SH3TC1: variants seen among roughly 807,000 people sequenced by gnomAD.
SH3TC1 encodes the protein SH3 domain and tetratricopeptide repeat-containing protein 1.
A neutral mutation model predicts 117.3 loss-of-function variants in SH3TC1; 135 were observed. The ratio of observed to expected loss-of-function variants is 1.15; its 90% CI spans 1.00 to 1.33. SH3TC1 has a LOEUF of 1.33. SH3TC1 is among the 40% of genes most tolerant of loss of function. The pLI is 0.00. For missense variants in SH3TC1, 2,092 were observed against 1,794.3 expected, an observed-to-expected ratio of 1.17 and a Z score of -3.00; for synonymous variants, 898 against 816.9, an observed-to-expected ratio of 1.10 and a Z score of -1.69.
intron 14 of SH3TC1, 42 bp from the exon 15 acceptor site, chr4:8,235,391 T>C (rs953351082): frequency 1.4e-6 from 2 of 1,426,668 alleles, no homozygotes; most frequent in Admixed American, 2.5e-5. Context: ...CGTGGCCACC[T>C]CACCAGGTGT....
intron 16 of SH3TC1, chr4:8,236,744 T>A (rs1394099542): frequency 3.1e-6 from 1 of 320,008 alleles, no homozygotes; most frequent in East Asian, 5.0e-5. Context: ...CCAGGCTGAG[T>A]GGCACATTCC....
chr4:8,233,052 A>G lies in SH3TC1; in HGVS notation c.3132-311A>G, dbSNP rs138938742. 8.0e-4 allele frequency: 988 copies of G among 1,239,686 alleles called. 8 individuals carry two copies. In the African/African-American group the frequency reaches 0.013, roughly 16 times the overall value. The allele number at this position is 1,239,686 out of a possible 1,614,324, so 76.8% of individuals were successfully genotyped here. A position where few individuals can be genotyped will look rare whatever the true frequency, so the allele number is the denominator to read the frequency against. On this transcript the variant is annotated intron_variant, in intron 13 of 17. Transcript: ENST00000245105. Reference sequence around the variant, plus strand: ...CCATCGGCCTGGATAGCATCTGAACACTGATGGCTCCTGGTGCGTCTAGAG... The same window carrying G: ...CCATCGGCCTGGATAGCATCTGAACGCTGATGGCTCCTGGTGCGTCTAGAG...
intron 9 of SH3TC1, among the ~76,000 whole-genome samples, chr4:8,222,290 C>T (rs1339059661): frequency 6.7e-6 from 1 of 149,754 alleles, no homozygotes; most frequent in African/African-American, 2.5e-5. Context: ...TTGTTTGCAT[C>T]TGTTTCAGCC....
rs553448871 is a variant in SH3TC1 at position 8,240,146 on chromosome 4, C to T, written c.3754-552C>T. ...AGGAGGAGGTCTGGGAAGTGGCATC[C>T]CAACCCAGGGATGGTGAGTTTGAGC... On this transcript the variant is annotated intron_variant, in intron 17 of 17. Transcript: ENST00000245105. Among the ~76,000 whole-genome samples the T allele has an allele frequency of 1.4e-4, 22 of 152,214 alleles. No individual in the cohort carries two copies. In the South Asian group the frequency reaches 4.6e-3, roughly 32 times the overall value.
intron 10 of SH3TC1, among the ~76,000 whole-genome samples, chr4:8,224,128 C>T (rs1029290453): frequency 6.6e-6 from 1 of 152,210 alleles, no homozygotes; most frequent in Non-Finnish European, 1.5e-5. Context: ...TGTGCATGCA[C>T]CTTCCTCACA....
intron 1 of SH3TC1, among the ~76,000 whole-genome samples, chr4:8,201,148 G>A (rs1280132239): frequency 6.6e-6 from 1 of 152,134 alleles, no homozygotes; most frequent in Admixed American, 6.5e-5. Context: ...TAAGAGCCTG[G>A]CGAAAGCTTG....
intron 14 of SH3TC1, among the ~76,000 whole-genome samples, chr4:8,233,930 TCATC>T (rs1432199146): frequency 2.7e-5 from 4 of 148,348 alleles, no homozygotes; most frequent in African/African-American, 9.9e-5. Context: ...CACTCTTTTG[TCATC>T]CATCCAATCA....
At chr4:8,220,845 C>T (rs536927901) in intron 9 of SH3TC1, among the ~76,000 whole-genome samples, 40 of 152,360 alleles carry the variant, frequency 2.6e-4, no homozygotes, top group African/African-American at 8.9e-4. Context: ...GTACCTCTGG[C>T]ACCTGTGCAT....
chr4:8,232,456 T>C (rs765863033), intron 13 of SH3TC1: 15 of 1,486,584 alleles, frequency 1.0e-5, no homozygotes, highest in Non-Finnish European at 1.3e-5. Context: ...GGGCTGTTCT[T>C]CCTACCTGGT....
intron 7 of SH3TC1, among the ~76,000 whole-genome samples, chr4:8,217,539 G>A (rs1460367047): frequency 4.6e-5 from 7 of 152,256 alleles, no homozygotes; most frequent in African/African-American, 1.7e-4. Flanking sequence ...CAGGGGATGT[G>A]AGGACAGGTG....
rs1207841716 is a variant in SH3TC1, at chr4:8,186,859, G to A, written c.-57+4649G>A. The stretch of plus-strand genomic sequence containing the variant: ...CTCGGGAGGCTGAGGTGGGAGAATC[G>A]CTTGAACCCAGAAGGTGGAGGTTGC... On this transcript the variant is annotated intron_variant, in intron 1 of 16. Transcript: ENST00000508641. The surrounding 1 kb of genome is among the most constrained non-coding windows in gnomAD (Gnocchi z 5.2). Among the ~76,000 whole-genome samples, 4 of 151,052 alleles carry A rather than the reference G, an allele frequency of 2.6e-5. No homozygotes were observed. The highest frequency in any genetic ancestry group is 4.4e-5 in the Non-Finnish European group (3 of 67,916).
intron 2 of SH3TC1, among the ~76,000 whole-genome samples, chr4:8,207,933 A>G (rs1718341538): frequency 6.6e-6 from 1 of 152,212 alleles, no homozygotes; most frequent in South Asian, 2.1e-4. Flanking sequence ...CTTGTTTGAG[A>G]GACTGAAGAG....
chr4:8,230,094 A>G (rs1560109031), intron 12 of SH3TC1, among the ~76,000 whole-genome samples: 1 of 152,076 alleles, frequency 6.6e-6, no homozygotes. Flanking sequence ...GGTGGGGCTG[A>G]TACCCCACAT....
In SH3TC1 at chr4:8,227,932, G is replaced by A; in HGVS notation, c.2238G>A (p.Arg746=). The change falls in exon 12 of 18, where the codon AGG becomes AGA. Residue 746 remains arginine (R), a synonymous_variant. Transcript: ENST00000245105. ...GGGGCTCGCTGGCCGGCTCGCTGAG[G>A]AGTGTGAACCTGGTGCTCCAGAACG... is the stretch of plus-strand genomic sequence containing the variant. ...RTRGSLAGSL[R]SVNLVLQNAP... is the part of the protein sequence containing the mutation. The A allele has an allele frequency of 6.2e-7, 1 of 1,612,646 alleles. No homozygotes were observed. Among genetic ancestry groups the A allele is most frequent in the East Asian group, 2.2e-5 (1 of 44,876 alleles).
rs142185936 is a variant in SH3TC1 at position 8,207,916 on chromosome 4, A to T, written c.173-1832A>T. Among the ~76,000 whole-genome samples the T allele has an allele frequency of 7.1e-3, 1,087 of 152,264 alleles. 15 individuals are homozygous for T. Among genetic ancestry groups the T allele is most frequent in the Middle Eastern group, 0.01 (3 of 294 alleles). On this transcript the variant is annotated intron_variant, in intron 2 of 17. Transcript: ENST00000245105. ...CGGAACTCTATCAACTTCAATAGGGATGGCACCTTGTTTGAGAGACTGAAG... is the reference window on the plus strand; with the variant it reads ...CGGAACTCTATCAACTTCAATAGGGTTGGCACCTTGTTTGAGAGACTGAAG...
At chr4:8,201,202 C>T (rs984169176) in intron 1 of SH3TC1, among the ~76,000 whole-genome samples, 2 of 152,196 alleles carry the variant, frequency 1.3e-5, no homozygotes, top group Admixed American at 6.5e-5. Context: ...GCGGCCCTCT[C>T]CCTTCTTCTT....
rs190037020 is a variant in SH3TC1 at position 8,200,731 on chromosome 4, C to T, written c.-29+1326C>T. ...CTCGCGGCTCTGGAGGTCGGAATTC[C>T]GAACTCAAGGCGTCCCTCAGAAGGC... On this transcript the variant is annotated intron_variant, in intron 1 of 17. Transcript: ENST00000245105. Among the ~76,000 whole-genome samples, 925 of 152,316 alleles carry T rather than the reference C, an allele frequency of 6.1e-3. 23 individuals carry two copies. The highest frequency in any genetic ancestry group is 0.053 in the Admixed American group (808 of 15,300).
intron 3 of SH3TC1, among the ~76,000 whole-genome samples, chr4:8,211,164 TTTCTCCC>T (rs1718648461): frequency 1.2e-5 from 1 of 82,754 alleles, no homozygotes; most frequent in Admixed American, 1.3e-4. Flanking sequence ...CCCCACCTGT[TTTCTCCC>T]TTCTCCCTCC....
rs1454763356 is a variant in SH3TC1, at chr4:8,241,098, C to CTATA, written c.*143_*144insTATA. 1 of 1,172,246 alleles carries CTATA rather than the reference C, an allele frequency of 8.5e-7. No homozygotes were observed. Among genetic ancestry groups the CTATA allele is most frequent in the East Asian group, 2.6e-5 (1 of 39,050 alleles). The allele number at this position is 1,172,246 out of a possible 1,614,324, so 72.6% of individuals were successfully genotyped here. ...ATAAATGGGTTTTGTTTTTTTTTTG[C>CTATA]AATAACTTATTGAAGTCAGCAGGGC... On this transcript the variant is annotated 3_prime_UTR_variant, in exon 18 of 18. Coordinates refer to ENST00000245105, the MANE Select transcript of SH3TC1 (RefSeq NM_018986.5).
Sources: allele counts gnomAD v4.1 joint callset (sites outside exome capture counted in the v4.1 genomes callset), GRCh38; gene constraint gnomAD v4.1.1; non-coding constraint Gnocchi (gnomAD v3.1); transcripts MANE v1.5; gene names NCBI Gene and HGNC (gene_info 2026-07-23, HGNC 2026-07-21).